Variants in ARHGAP6 observed in about 807,000 individuals in gnomAD.
ARHGAP6 encodes Rho GTPase activating protein 6.
ARHGAP6 carries 16 observed loss-of-function variants against 55.7 expected under a neutral mutation model. The ratio of observed to expected loss-of-function variants is 0.29; its 90% confidence interval spans 0.19 to 0.44. ARHGAP6 has a LOEUF of 0.44. ARHGAP6 is among the 20% of genes least tolerant of loss of function. ARHGAP6 has a pLI of 1.00. For synonymous variants in ARHGAP6, 382 were observed against 360.9 expected (o/e 1.06, Z -0.66); for missense variants, 698 against 808.9 (o/e 0.86, Z 1.66).
intron 1 of ARHGAP6, among the ~76,000 whole-genome samples, chrX:11,363,141 T>C (rs1451723306): frequency 8.9e-6 from 1 of 112,105 alleles, no homozygotes; most frequent in Non-Finnish European, 1.9e-5. Context: ...CCAACCACCT[T>C]TGAAATCAAA....
intron 2 of ARHGAP6, among the ~76,000 whole-genome samples, chrX:11,213,932 G>T (rs1012077351): frequency 9.0e-6 from 1 of 111,666 alleles, no homozygotes; most frequent in African/African-American, 3.3e-5. Context: ...CAAAATTAAA[G>T]GGTTTTTGAA....
intron 1 of ARHGAP6, among the ~76,000 whole-genome samples, chrX:11,317,402 A>G (rs2048371828): frequency 8.9e-6 from 1 of 111,931 alleles, no homozygotes; most frequent in Non-Finnish European, 1.9e-5. Flanking sequence ...CACAGTTGAG[A>G]AACACTAGCT....
intron 1 of ARHGAP6, among the ~76,000 whole-genome samples, chrX:11,359,272 C>A (rs1307266513): frequency 8.9e-6 from 1 of 112,003 alleles, no homozygotes; most frequent in East Asian, 2.8e-4. Flanking sequence ...ACGGATCAAT[C>A]TGAATTAGTG....
intron 7 of ARHGAP6, among the ~76,000 whole-genome samples, chrX:11,178,960 C>T (rs1396028575): frequency 4.5e-5 from 5 of 111,903 alleles, no homozygotes; most frequent in Non-Finnish European, 9.4e-5. Context: ...TCGTGGTTCC[C>T]TCCTTCTTCG....
At chrX:11,522,563 G>A (rs866131258) in intron 1 of ARHGAP6, among the ~76,000 whole-genome samples, 7 of 111,175 alleles carry the variant, frequency 6.3e-5, no homozygotes, top group African/African-American at 1.6e-4. Flanking sequence ...TATCACCACC[G>A]ATCCCACAGA....
At chrX:11,427,563 G>C in intron 1 of ARHGAP6, 1 of 921,342 alleles carries the variant, frequency 1.1e-6, no homozygotes, top group Non-Finnish European at 1.4e-6. Flanking sequence ...AGTGCAGCTG[G>C]GGCTTCTCGC....
At chrX:11,166,030 A>G (rs1352101667) in intron 9 of ARHGAP6, among the ~76,000 whole-genome samples, 1 of 112,026 alleles carries the variant, frequency 8.9e-6, no homozygotes. Flanking sequence ...CAGTACCTGA[A>G]AAGCAAACAA....
At chrX:11,209,819 C>T (rs2046764112) in intron 2 of ARHGAP6, among the ~76,000 whole-genome samples, 1 of 111,913 alleles carries the variant, frequency 8.9e-6, no homozygotes, top group South Asian at 3.7e-4. Context: ...AGGCCAACCT[C>T]ACAGCAACAA....
chrX:11,277,316 G>C (rs184384487), intron 1 of ARHGAP6, among the ~76,000 whole-genome samples: 2 of 111,147 alleles, frequency 1.8e-5, no homozygotes, highest in Non-Finnish European at 1.9e-5. Context: ...ATTTTGACTG[G>C]TATGAATAAA....
At chrX:11,616,338 T>C (rs2052164062) in intron 1 of ARHGAP6, among the ~76,000 whole-genome samples, 1 of 110,682 alleles carries the variant, frequency 9.0e-6, no homozygotes, top group African/African-American at 3.3e-5. Context: ...CTTTTTCTTT[T>C]TTTCTTGAGA....
chrX:11,390,654 G>T (rs138225837), intron 1 of ARHGAP6, among the ~76,000 whole-genome samples: 17,040 of 111,097 alleles, frequency 0.15, 1,192 homozygotes, highest in Non-Finnish European at 0.22. Flanking sequence ...GTGGGCAAAG[G>T]ATATGAACAG....
chrX:11,188,971 C>T lies in ARHGAP6; in HGVS notation c.834G>A (p.Gln278=). The part of the protein sequence containing the change: ...EKNKDKEFIP[Q]AFGMPLSQVI... ...CTTGGGATAAGGGCATTCCAAATGC[C>T]TGTGGGATGAATTCTGGAATCAAAA... The change falls in exon 4 of 13, where the codon CAG becomes CAA. Residue 278 remains glutamine, a synonymous_variant. Coordinates refer to ENST00000337414, the MANE Select transcript of ARHGAP6 (RefSeq NM_013427.3). 2 of 1,208,814 alleles carry T rather than the reference C, an allele frequency of 1.7e-6. No individual in the cohort carries two copies. The highest frequency in any genetic ancestry group is 2.2e-6 in the Non-Finnish European group (2 of 893,875).
chrX:11,218,116 C>T (rs956000338), intron 2 of ARHGAP6, among the ~76,000 whole-genome samples: 4 of 111,636 alleles, frequency 3.6e-5, no homozygotes, highest in Non-Finnish European at 7.5e-5. Flanking sequence ...TTACTGTAGC[C>T]TTGTAATATA....
At chrX:11,577,135 G>C (rs1010535633) in intron 1 of ARHGAP6, among the ~76,000 whole-genome samples, 1 of 112,125 alleles carries the variant, frequency 8.9e-6, no homozygotes, top group African/African-American at 3.2e-5. Flanking sequence ...AATTTAATCT[G>C]CATCTGCAAA....
chrX:11,506,701 C>A (rs1007115012), intron 1 of ARHGAP6, among the ~76,000 whole-genome samples: 2 of 111,618 alleles, frequency 1.8e-5, no homozygotes, highest in Non-Finnish European at 3.8e-5. Context: ...AATAAACATA[C>A]GTGTGCATGT....
At position 11,147,620 on chromosome X, in the gene ARHGAP6, C is replaced by T. The variant is rs142826602; in HGVS notation, c.1908-3372G>A. Among the ~76,000 whole-genome samples the T allele has an allele frequency of 3.8e-3, 432 of 112,896 alleles. 1 individual carries two copies. Among genetic ancestry groups the T allele is most frequent in the Non-Finnish European group, 6.2e-3 (331 of 53,396 alleles). On this transcript the variant is annotated intron_variant, in intron 10 of 12. Transcript: ENST00000337414. ...TTCTATTCTATCCCAGTTTCTGAAA[C>T]ATTTCTAAGTTTATGGAAGCTATTG...
At chrX:11,442,347 G>A (rs1435159907) in intron 1 of ARHGAP6, among the ~76,000 whole-genome samples, 4 of 107,989 alleles carry the variant, frequency 3.7e-5, no homozygotes, top group African/African-American at 1.3e-4. Context: ...TTCTTCCTTT[G>A]GGAGTAATAA....
chrX:11,411,225 A>AAAT (rs2049683382), intron 1 of ARHGAP6, among the ~76,000 whole-genome samples: 1 of 80,920 alleles, frequency 1.2e-5, no homozygotes, highest in African/African-American at 4.5e-5. Context: ...ATATATATAA[A>AAAT]ATATACAAAT....
chrX:11,213,153 C>T (rs905603818), intron 2 of ARHGAP6, among the ~76,000 whole-genome samples: 2 of 112,893 alleles, frequency 1.8e-5, no homozygotes, highest in Non-Finnish European at 3.8e-5. Flanking sequence ...TGGATGGGCC[C>T]TAGGACCTCA....
Sources: allele counts gnomAD v4.1 joint callset (sites outside exome capture counted in the v4.1 genomes callset), GRCh38; gene constraint gnomAD v4.1.1; transcripts MANE v1.5; gene names NCBI Gene and HGNC (gene_info 2026-07-23, HGNC 2026-07-21).